Variants in FAM81A observed in about 807,000 individuals in gnomAD.
FAM81A encodes the protein protein FAM81A.
In FAM81A, 19 loss-of-function variants were observed where a neutral mutation model predicts 46.7. That is an observed-to-expected ratio of 0.41 (90% CI 0.28 to 0.60). The LOEUF is 0.60. Ranked by LOEUF, FAM81A falls within the 20% of genes least tolerant of loss-of-function variation. The pLI is 0.34. For missense variants in FAM81A, 377 were observed against 453.5 expected (o/e 0.83, Z 1.53); for synonymous variants, 183 against 152.9 (o/e 1.20, Z -1.45).
intron 2 of FAM81A, among the ~76,000 whole-genome samples, chr15:59,420,038 G>T (rs1350883536): frequency 1.3e-5 from 2 of 152,184 alleles, no homozygotes; most frequent in African/African-American, 2.4e-5. Flanking sequence ...AATGCCTCAT[G>T]CATACTGGAT....
At chr15:59,446,916 G>T (rs1024266355) in intron 1 of FAM81A, among the ~76,000 whole-genome samples, 1 of 152,146 alleles carries the variant, frequency 6.6e-6, no homozygotes, top group East Asian at 1.9e-4. Flanking sequence ...CCAGAATCAG[G>T]CTTGTTTCTT....
intron 3 of FAM81A, among the ~76,000 whole-genome samples, chr15:59,486,780 C>G (rs1237468113): frequency 6.6e-6 from 1 of 152,170 alleles, no homozygotes; most frequent in African/African-American, 2.4e-5. Flanking sequence ...CATAGTGTAT[C>G]TGTTGAAACT....
intron 3 of FAM81A, among the ~76,000 whole-genome samples, chr15:59,463,213 AT>A (rs1334273521): frequency 6.6e-6 from 1 of 151,214 alleles, no homozygotes; most frequent in African/African-American, 2.4e-5. Flanking sequence ...GTCTAAGTTA[AT>A]TTTTTTTTCA....
intron 6 of FAM81A, among the ~76,000 whole-genome samples, chr15:59,509,612 A>G (rs1266287884): frequency 6.6e-6 from 1 of 152,180 alleles, no homozygotes; most frequent in Admixed American, 6.5e-5. Flanking sequence ...CACTTTGAGG[A>G]CGGGGCAAAG....
At chr15:59,510,499 G>A (rs1325229483) in intron 6 of FAM81A, among the ~76,000 whole-genome samples, 2 of 151,558 alleles carry the variant, frequency 1.3e-5, no homozygotes, top group Non-Finnish European at 2.9e-5. Context: ...AGCAGAGAGA[G>A]AAATTAGACC....
At chr15:59,454,751 G>A (rs1431911640) in intron 1 of FAM81A, among the ~76,000 whole-genome samples, 7 of 151,702 alleles carry the variant, frequency 4.6e-5, no homozygotes, top group Admixed American at 2.0e-4. Flanking sequence ...TTAGCCTCCC[G>A]GGTAGCTGGG....
intron 3 of FAM81A, among the ~76,000 whole-genome samples, chr15:59,462,190 G>A (rs1182343243): frequency 7.0e-6 from 1 of 142,464 alleles, no homozygotes; most frequent in Admixed American, 7.2e-5. Flanking sequence ...GCGACAGAGC[G>A]AGACTGCATC....
intron 2 of FAM81A, among the ~76,000 whole-genome samples, chr15:59,409,576 A>G (rs968597202): frequency 2.6e-4 from 39 of 152,096 alleles, no homozygotes; most frequent in African/African-American, 9.4e-4. Flanking sequence ...TTCCCCACAG[A>G]TCACTCACCG....
chr15:59,432,810 A>G (rs1265607660), intron 2 of FAM81A, among the ~76,000 whole-genome samples: 1 of 152,130 alleles, frequency 6.6e-6, no homozygotes, highest in Non-Finnish European at 1.5e-5. Flanking sequence ...GGCAAACTCA[A>G]TGATCAAGAT....
At position 59,451,977 on chromosome 15, in the gene FAM81A, A is replaced by G. The variant is rs142035283; in HGVS notation, c.-77-6573A>G. ...CCAAGTGCTTGGGATATAGCTGTGG[A>G]CAACACAGGTCCTCATGGAGCATGC... On this transcript the variant is annotated intron_variant, in intron 1 of 8. Coordinates refer to ENST00000288228, the MANE Select transcript of FAM81A (RefSeq NM_152450.3). Among the ~76,000 whole-genome samples, 15 of 152,350 alleles carry G rather than the reference A, an allele frequency of 9.8e-5. No homozygotes were observed. In the East Asian group the frequency reaches 2.5e-3, roughly 25 times the overall value.
At chr15:59,453,360 T>C (rs1182416336) in intron 1 of FAM81A, among the ~76,000 whole-genome samples, 1 of 152,232 alleles carries the variant, frequency 6.6e-6, no homozygotes, top group Admixed American at 6.5e-5. Context: ...TATAATACTT[T>C]ACAAATGATT....
intron 3 of FAM81A, among the ~76,000 whole-genome samples, chr15:59,490,335 ACT>A (rs766054875): frequency 3.9e-5 from 6 of 152,222 alleles, no homozygotes; most frequent in Non-Finnish European, 8.8e-5. Flanking sequence ...GTAGTTGCAA[ACT>A]CTCCATCTGA....
intron 1 of FAM81A, among the ~76,000 whole-genome samples, chr15:59,442,618 C>CAAAAAAAAAAAAAAAAAAAA (rs1196305104): frequency 3.1e-4 from 24 of 76,672 alleles, no homozygotes; most frequent in Admixed American, 4.4e-4. Flanking sequence ...CTCCGTCTCT[C>CAAAAAAAAAAAAAAAAAAAA]AAAAAAAAAA....
intron 2 of FAM81A, among the ~76,000 whole-genome samples, chr15:59,402,566 C>T (rs986572121): frequency 6.6e-6 from 1 of 152,016 alleles, no homozygotes; most frequent in Non-Finnish European, 1.5e-5. Context: ...TTCGAGACAG[C>T]GTCTCACTCT....
At chr15:59,432,701 G>A (rs188081805) in intron 2 of FAM81A, among the ~76,000 whole-genome samples, 1 of 152,274 alleles carries the variant, frequency 6.6e-6, no homozygotes, top group Non-Finnish European at 1.5e-5. Flanking sequence ...CTACAAGTAA[G>A]CATTTAGCAC....
intron 2 of FAM81A, among the ~76,000 whole-genome samples, chr15:59,424,658 T>A (rs1198653532): frequency 5.9e-5 from 9 of 152,228 alleles, no homozygotes; most frequent in Non-Finnish European, 1.0e-4. Context: ...CCTATTTGCT[T>A]ACGTTATAGA....
intron 5 of FAM81A, among the ~76,000 whole-genome samples, chr15:59,508,338 T>C (rs2082170563): frequency 6.6e-6 from 1 of 152,186 alleles, no homozygotes; most frequent in South Asian, 2.1e-4. Flanking sequence ...GGCAGAAATT[T>C]CACACAGGAC....
At chr15:59,495,798 C>G (rs146763664) in intron 4 of FAM81A, among the ~76,000 whole-genome samples, 1 of 152,154 alleles carries the variant, frequency 6.6e-6, no homozygotes, top group Non-Finnish European at 1.5e-5. Context: ...TGTGCTTGCT[C>G]GTCATTGGCA....
intron 6 of FAM81A, among the ~76,000 whole-genome samples, chr15:59,510,514 C>G (rs1449519073): frequency 2.6e-5 from 4 of 151,810 alleles, no homozygotes; most frequent in Non-Finnish European, 5.9e-5. Context: ...TAGACCAATG[C>G]TGATTTCTCA....
Sources: allele counts gnomAD v4.1 joint callset (sites outside exome capture counted in the v4.1 genomes callset), GRCh38; gene constraint gnomAD v4.1.1; transcripts MANE v1.5; gene names NCBI Gene and HGNC (gene_info 2026-07-23, HGNC 2026-07-21).